Variants in ITPRID1 observed in about 807,000 individuals in gnomAD.
ITPRID1 encodes the protein ITPR interacting domain containing 1.
Under a neutral mutation model 95.4 loss-of-function variants are expected in ITPRID1, and 96 were observed. That is an observed-to-expected ratio of 1.01 (90% CI 0.85 to 1.19). ITPRID1 has a LOEUF of 1.19. Ranked by LOEUF, ITPRID1 falls within the 50% of genes most tolerant of loss-of-function variation. The pLI, the probability that ITPRID1 is intolerant of heterozygous loss-of-function variation, is 0.00. For synonymous variants in ITPRID1, 510 were observed against 453.6 expected (o/e 1.12, Z -1.58); for missense variants, 1,339 against 1,252.9 (o/e 1.07, Z -1.04).
At chr7:31,657,486 G>A (rs1039063418), downstream of ITPRID1, among the ~76,000 whole-genome samples, 4 of 152,152 alleles carry the variant, frequency 2.6e-5, no homozygotes, top group African/African-American at 4.8e-5. Flanking sequence ...GTCAGGTATC[G>A]GTTCTGAGTC....
chr7:31,583,570 G>A (rs1264436318), intron 10 of ITPRID1, among the ~76,000 whole-genome samples: 2 of 152,188 alleles, frequency 1.3e-5, no homozygotes, highest in South Asian at 4.1e-4. Flanking sequence ...GGAGGTTGCA[G>A]TGAGCTGAAA....
chr7:31,580,421 C>G (rs1249066040), intron 9 of ITPRID1, among the ~76,000 whole-genome samples: 1 of 151,990 alleles, frequency 6.6e-6, no homozygotes, highest in Admixed American at 6.6e-5. Context: ...GAAGGTTCTT[C>G]TGCTTCAAAC....
At chr7:31,629,756 G>A (rs558608672) in intron 10 of ITPRID1, among the ~76,000 whole-genome samples, 18 of 152,194 alleles carry the variant, frequency 1.2e-4, no homozygotes, top group African/African-American at 2.4e-4. Context: ...TGCAACTCAC[G>A]AATTGTGTGC....
intron 13 of ITPRID1, 48 bp from the exon 14 acceptor site, chr7:31,651,891 C>A: frequency 7.4e-7 from 1 of 1,350,746 alleles, no homozygotes; most frequent in Non-Finnish European, 1.0e-6. Context: ...GAAGATTGCA[C>A]CTGGGAAGGA....
chr7:31,564,497 TAG>T (rs1413065896), intron 5 of ITPRID1, among the ~76,000 whole-genome samples: 1 of 151,250 alleles, frequency 6.6e-6, no homozygotes, highest in East Asian at 1.9e-4. Flanking sequence ...GGGGAAAAAA[TAG>T]AGAAAATATC....
intron 10 of ITPRID1, among the ~76,000 whole-genome samples, chr7:31,638,588 C>A (rs534634949): frequency 3.3e-5 from 5 of 152,070 alleles, no homozygotes; most frequent in African/African-American, 1.2e-4. Flanking sequence ...CAGTGCTTAC[C>A]CACATGATTT....
chr7:31,594,447 G>GT (rs1198184100), intron 10 of ITPRID1, among the ~76,000 whole-genome samples: 4 of 152,148 alleles, frequency 2.6e-5, no homozygotes, highest in African/African-American at 9.7e-5. Context: ...AAACTGATAC[G>GT]TTTTAAATTA....
intron 12 of ITPRID1, among the ~76,000 whole-genome samples, chr7:31,648,989 A>C (rs753286871): frequency 1.3e-5 from 2 of 152,264 alleles, no homozygotes; most frequent in Non-Finnish European, 2.9e-5. Context: ...TCTGGTCTTA[A>C]GAGCCATAAT....
chr7:31,579,190 C>A (rs1252908917), intron 9 of ITPRID1, among the ~76,000 whole-genome samples: 1 of 150,526 alleles, frequency 6.6e-6, no homozygotes, highest in Non-Finnish European at 1.5e-5. Context: ...GTTTTTTTTT[C>A]TTTTCAAAAA....
intron 1 of ITPRID1, among the ~76,000 whole-genome samples, chr7:31,542,349 T>C (rs182151517): frequency 1.3e-5 from 2 of 152,294 alleles, no homozygotes; most frequent in Admixed American, 1.3e-4. Flanking sequence ...ACTTTTAAAT[T>C]GTACAACATT....
At chr7:31,521,904 A>AT (rs55777151) in intron 1 of ITPRID1, among the ~76,000 whole-genome samples, 287 of 118,980 alleles carry the variant, frequency 2.4e-3, no homozygotes, top group Non-Finnish European at 3.6e-3. Flanking sequence ...GGCTAATTTA[A>AT]TTTTTTTTTT....
At position 31,577,905 on chromosome 7, in the gene ITPRID1, C is replaced by A. The variant is rs775097558; in HGVS notation, c.641C>A (p.Ala214Asp). Residue 214 changes from alanine to aspartate, a missense_variant, in exon 9 of 15, where the codon GCC becomes GAC. By Grantham distance (126) the Ala-to-Asp change is moderately radical. Coordinates refer to ENST00000615280, the MANE Select transcript of ITPRID1 (RefSeq NM_001257967.3). ...QLEILDHVTN[A>D]FSSLLSDVSI... ...GAAATCCTGGACCATGTGACCAATG[C>A]CTTCTCATCTCTGCTGAGTGATGTC... The A allele has an allele frequency of 8.7e-6, 14 of 1,611,696 alleles. No homozygotes were observed. In the South Asian group the frequency reaches 1.5e-4, roughly 18 times the overall value.
intron 1 of ITPRID1, among the ~76,000 whole-genome samples, chr7:31,516,549 C>T (rs1042621245): frequency 1.2e-4 from 18 of 152,104 alleles, no homozygotes; most frequent in Non-Finnish European, 2.2e-4. Context: ...GGAAGAGAAA[C>T]GGCTTGCTCT....
At chr7:31,636,588 GC>G (rs1276825000) in intron 10 of ITPRID1, among the ~76,000 whole-genome samples, 4 of 152,074 alleles carry the variant, frequency 2.6e-5, no homozygotes, top group Non-Finnish European at 5.9e-5. Context: ...TTCCCCTAAT[GC>G]CTATATAGTC....
intron 1 of ITPRID1, among the ~76,000 whole-genome samples, chr7:31,537,475 A>G (rs1783798101): frequency 6.6e-6 from 1 of 152,110 alleles, no homozygotes; most frequent in African/African-American, 2.4e-5. Flanking sequence ...CCCCAATTTT[A>G]ACAAAAATCT....
At chr7:31,648,417 T>G (rs1005378626) in intron 12 of ITPRID1, among the ~76,000 whole-genome samples, 2 of 152,212 alleles carry the variant, frequency 1.3e-5, no homozygotes, top group African/African-American at 4.8e-5. Flanking sequence ...ACAGTTTTCT[T>G]TATTATGAAA....
Position 31,656,371 on chromosome 7 carries a change from A to G in ITPRID1, c.*3542A>G. On this transcript the variant is annotated 3_prime_UTR_variant, in exon 15 of 15. Transcript: ENST00000615280. ...AATAGGGAGAAGAAAAACAACATAGAGTTGTTGGACAGAATAAATACCATG... is the reference window on the plus strand; with the variant it reads ...AATAGGGAGAAGAAAAACAACATAGGGTTGTTGGACAGAATAAATACCATG... 2.8e-6 allele frequency: 1 copy of G among 353,202 alleles called. No individual in the cohort carries two copies. The allele number at this position is 353,202 out of a possible 1,614,324, so 21.9% of individuals were successfully genotyped here.
Position 31,572,744 on chromosome 7 carries a change from G to T in ITPRID1, c.395+556G>T, listed in dbSNP as rs181278897. ...TATATCTAATTTCTTCCACCATTAA[G>T]TATTACTTAAAAAGTTAATGATATT... On this transcript the variant is annotated intron_variant, in intron 7 of 14. Coordinates refer to ENST00000615280, the MANE Select transcript of ITPRID1 (RefSeq NM_001257967.3). Among the ~76,000 whole-genome samples the T allele has an allele frequency of 5.4e-4, 82 of 152,148 alleles. No individual in the cohort carries two copies. The East Asian group carries it at 0.015, about 28-fold the overall frequency.
downstream of ITPRID1, chr7:31,658,526 G>T: frequency 1.6e-6 from 1 of 617,918 alleles, no homozygotes. Context: ...GTGTTTTCAT[G>T]TGGAATGGTG....
Sources: gnomAD v4.1 joint callset for allele counts (sites outside exome capture counted in the v4.1 genomes callset) on GRCh38, gnomAD v4.1.1 for gene constraint, MANE v1.5 for transcripts, NCBI Gene and HGNC (gene_info 2026-07-23, HGNC 2026-07-21) for gene names.